The following PALS1 variants were observed in gnomAD, a reference collection of about 807,000 sequenced individuals.
The protein encoded by PALS1 is protein PALS1.
In PALS1, 31 loss-of-function variants were observed where a neutral mutation model predicts 78.9. The ratio of observed to expected loss-of-function variants is 0.39; its 90% CI spans 0.30 to 0.53. The LOEUF (loss-of-function observed/expected upper bound fraction) is 0.53, where lower values mean the gene tolerates loss of function less well. Among genes scored for constraint, PALS1 ranks in the 20% least tolerant of loss-of-function variants. The pLI is 0.67. For missense variants in PALS1, 704 were observed against 826.5 expected, an observed-to-expected ratio of 0.85 and a Z score of 1.82; for synonymous variants, 276 against 270.9, an observed-to-expected ratio of 1.02 and a Z score of -0.18.
rs1372781785 is a variant in PALS1, at chr14:67,292,707, T to C, written c.564T>C (p.Asp188=). ...PPFPLISNAQ[D]LAQEVQTVLK... ...TTCCTCTTATCTCCAACGCACAAGA[T>C]CTTGCTCAAGAGGTATGTATTCTAA... Residue 188 remains aspartate (D), a synonymous_variant, in exon 4 of 15, where the codon GAT becomes GAC. Coordinates refer to ENST00000261681, the MANE Select transcript of PALS1 (RefSeq NM_022474.4). 1 of 1,613,276 alleles carries C rather than the reference T, an allele frequency of 6.2e-7. No homozygotes were observed.
chr14:67,292,733 A>C lies in PALS1; in HGVS notation c.576+14A>C. 6.2e-7 allele frequency: 1 copy of C among 1,603,998 alleles called. No homozygotes were observed. ...CTTGCTCAAGAGGTATGTATTCTAA[A>C]CATCTTGTTGATGTCTACAAGGTAA... On this transcript the variant is annotated intron_variant, in intron 4 of 14. Coordinates refer to ENST00000261681, the MANE Select transcript of PALS1 (RefSeq NM_022474.4).
At chr14:67,268,516 G>A (rs947012161) in intron 1 of PALS1, among the ~76,000 whole-genome samples, 32 of 152,214 alleles carry the variant, frequency 2.1e-4, no homozygotes, top group African/African-American at 7.7e-4. Context: ...TAAGCAAGGG[G>A]TGGATTCATG....
chr14:67,321,230 A>G lies in PALS1; in HGVS notation c.1711A>G (p.Lys571Glu). The part of the protein sequence containing the change: ...DSVRQVINSG[K>E]ICLLSLRTQS... ...TGTACGGCAAGTGATCAACTCTGGC[A>G]AAATATGTCTTTTAAGTCTTCGTAC... The change falls in exon 13 of 15, where the codon AAA becomes GAA. Residue 571 changes from lysine to glutamate, a missense_variant. Transcript: ENST00000261681. 6.2e-7 allele frequency: 1 copy of G among 1,614,234 alleles called. No homozygotes were observed. The highest frequency in any genetic ancestry group is 8.5e-7 in the Non-Finnish European group (1 of 1,180,038).
At chr14:67,271,264 A>G (rs981525326) in intron 2 of PALS1, 2 of 152,184 alleles carry the variant, frequency 1.3e-5, no homozygotes, top group African/African-American at 2.4e-5. Flanking sequence ...CTTTACTTCT[A>G]TCTGATTCTC....
intron 14 of PALS1, among the ~76,000 whole-genome samples, chr14:67,324,954 G>A (rs1364705535): frequency 7.0e-6 from 1 of 141,948 alleles, no homozygotes. Flanking sequence ...ACCCAGGCTG[G>A]AGTGCAGTAG....
chr14:67,299,942 A>G (rs2084909774), intron 4 of PALS1, among the ~76,000 whole-genome samples: 1 of 152,216 alleles, frequency 6.6e-6, no homozygotes. Context: ...TACAAATTTC[A>G]TTTAAAATTA....
At chr14:67,280,303 G>A (rs893473259) in intron 3 of PALS1, among the ~76,000 whole-genome samples, 4 of 152,184 alleles carry the variant, frequency 2.6e-5, no homozygotes. Context: ...ACACCCAAGT[G>A]CTCACTGAAC....
intron 12 of PALS1, among the ~76,000 whole-genome samples, chr14:67,320,642 T>A (rs1211863612): frequency 6.6e-6 from 1 of 152,178 alleles, no homozygotes; most frequent in African/African-American, 2.4e-5. Flanking sequence ...CCCTTATAAT[T>A]TCCTGTTCCA....
chr14:67,330,302 C>A (rs2085428794), intron 14 of PALS1, among the ~76,000 whole-genome samples: 2 of 151,670 alleles, frequency 1.3e-5, no homozygotes, highest in Admixed American at 1.3e-4. Flanking sequence ...TTTAGTTTCT[C>A]AAGATGAATG....
chr14:67,253,690 C>CA (rs1040936763), intron 1 of PALS1, among the ~76,000 whole-genome samples: 5 of 151,836 alleles, frequency 3.3e-5, no homozygotes, highest in Non-Finnish European at 7.4e-5. Context: ...ACAAAAAATA[C>CA]AAAAAAATTA....
Position 67,284,906 on chromosome 14 carries a change from A to T in PALS1, c.367+5369A>T, listed in dbSNP as rs1420622182. Among the ~76,000 whole-genome samples, 6 of 151,960 alleles carry T rather than the reference A, an allele frequency of 3.9e-5. No homozygotes were observed. In the East Asian group the frequency reaches 1.2e-3, roughly 29 times the overall value. ...TTTTTCCATTCGTCTAGGTTAAAAA[A>T]TTTTTATTTTTATTTTTATTTTTTT... On this transcript the variant is annotated intron_variant, in intron 3 of 14. Coordinates refer to ENST00000261681, the MANE Select transcript of PALS1 (RefSeq NM_022474.4).
At chr14:67,314,814 G>T (rs550065705) in intron 9 of PALS1, among the ~76,000 whole-genome samples, 1 of 152,298 alleles carries the variant, frequency 6.6e-6, no homozygotes, top group South Asian at 2.1e-4. Flanking sequence ...TATGAGGCTG[G>T]CCCTGGTGGC....
At chr14:67,245,904 G>A (rs2083979897) in intron 1 of PALS1, among the ~76,000 whole-genome samples, 1 of 151,590 alleles carries the variant, frequency 6.6e-6, no homozygotes, top group African/African-American at 2.4e-5. Flanking sequence ...TTTATTTTTA[G>A]ATCTATGTTC....
chr14:67,332,651 C>A, intron 14 of PALS1, 129 bp from the exon 15 acceptor site: 2 of 877,854 alleles, frequency 2.3e-6, no homozygotes, highest in Non-Finnish European at 3.4e-6. Flanking sequence ...TGGAAAGGAG[C>A]TCCTGAGGTT....
At chr14:67,320,562 A>G (rs896628048) in intron 12 of PALS1, among the ~76,000 whole-genome samples, 165 bp downstream of exon 12, 1 of 152,222 alleles carries the variant, frequency 6.6e-6, no homozygotes, top group African/African-American at 2.4e-5. Flanking sequence ...AAAAATAGTC[A>G]TTATTAAGAA....
intron 8 of PALS1, among the ~76,000 whole-genome samples, chr14:67,306,973 A>C (rs1403264368): frequency 6.6e-6 from 1 of 152,212 alleles, no homozygotes; most frequent in African/African-American, 2.4e-5. Context: ...AAATGTGTTT[A>C]AGACAGATAT....
At chr14:67,248,052 C>A (rs986419211) in intron 1 of PALS1, among the ~76,000 whole-genome samples, 1 of 151,954 alleles carries the variant, frequency 6.6e-6, no homozygotes, top group African/African-American at 2.4e-5. Context: ...TTATCATATG[C>A]CTTTTCTGCA....
At chr14:67,310,030 A>G (rs1460497129) in intron 8 of PALS1, among the ~76,000 whole-genome samples, 3 of 129,940 alleles carry the variant, frequency 2.3e-5, no homozygotes, top group Non-Finnish European at 4.5e-5. Flanking sequence ...AACAGATTCT[A>G]GAAGTATTAT....
In PALS1 at chr14:67,302,525, G is replaced by C; in HGVS notation, c.917G>C (p.Gly306Ala). 1 of 1,589,400 alleles carries C rather than the reference G, an allele frequency of 6.3e-7. No individual in the cohort carries two copies. Among genetic ancestry groups the C allele is most frequent in the Non-Finnish European group, 8.6e-7 (1 of 1,169,242 alleles). Reference protein sequence around the residue: ...HEGDEVLEINGIEIRGKDVNE... With the variant: ...HEGDEVLEINAIEIRGKDVNE... ...GGAGATGAAGTTCTAGAGATTAATG[G>C]CATTGAAATTCGGGGGAAAGATGTC... Residue 306 changes from glycine (G) to alanine (A), a missense_variant, in exon 7 of 15, where the codon GGC (glycine) becomes GCC (alanine). Gly to Ala is a moderately conservative substitution (Grantham distance 60). Coordinates refer to ENST00000261681, the MANE Select transcript of PALS1 (RefSeq NM_022474.4).
Sources: allele counts gnomAD v4.1 joint callset (sites outside exome capture counted in the v4.1 genomes callset), GRCh38; gene constraint gnomAD v4.1.1; transcripts MANE v1.5; gene names NCBI Gene and HGNC (gene_info 2026-07-23, HGNC 2026-07-21).